Variants in TRIM2 observed in about 807,000 individuals in gnomAD.
TRIM2 encodes the protein tripartite motif-containing protein 2.
Under a neutral mutation model 75.2 loss-of-function variants are expected in TRIM2, and 20 were observed. The observed-to-expected ratio is 0.27, with a 90% CI of 0.19 to 0.39. The LOEUF (loss-of-function observed/expected upper bound fraction) is 0.39. Ranked by LOEUF, TRIM2 falls within the 10% of genes least tolerant of loss-of-function variation. The probability of loss-of-function intolerance (pLI) is 1.00; values close to 1 mark genes in which losing one functional copy is unlikely to be tolerated. For missense variants in TRIM2, 660 were observed against 990.8 expected (o/e 0.67, Z 4.48); for synonymous variants, 373 against 388.3 (o/e 0.96, Z 0.46).
upstream of TRIM2, chr4:153,152,555 C>T (rs1177124860): frequency 6.6e-6 from 1 of 151,936 alleles, no homozygotes; most frequent in Non-Finnish European, 1.5e-5. Flanking sequence ...CAAGGAGCTG[C>T]CCGTGCTTTG....
At chr4:153,324,008 G>C (rs1012988897) in intron 9 of TRIM2, 70 bp from the exon 10 acceptor site, 63 of 1,210,114 alleles carry the variant, frequency 5.2e-5, no homozygotes, top group Non-Finnish European at 7.4e-5. Context: ...AAGTTTGTTT[G>C]TTACAGTAAC....
intron 1 of TRIM2, among the ~76,000 whole-genome samples, chr4:153,215,986 AG>A (rs1463403341): frequency 6.6e-6 from 1 of 152,146 alleles, no homozygotes; most frequent in African/African-American, 2.4e-5. Context: ...TATGCAAATG[AG>A]GTTTTTAGCT....
intron 1 of TRIM2, among the ~76,000 whole-genome samples, chr4:153,179,465 A>ACTTTTTT (rs1215421438): frequency 1.3e-5 from 2 of 151,960 alleles, no homozygotes; most frequent in Non-Finnish European, 2.9e-5. Context: ...TATTTCCCCA[A>ACTTTTTT]CTTTTTTCCT....
chr4:153,194,990 A>G (rs903579783), intron 1 of TRIM2, among the ~76,000 whole-genome samples: 3 of 152,252 alleles, frequency 2.0e-5, no homozygotes, highest in African/African-American at 7.2e-5. Flanking sequence ...GTAGAACCAC[A>G]AAATGTGACC....
At position 153,269,835 on chromosome 4, in the gene TRIM2, A is replaced by T. The variant is rs767927505; in HGVS notation, c.31-500A>T. 1.6e-4 allele frequency among the ~76,000 whole-genome samples: 24 copies of T among 152,198 alleles called. 1 individual carries two copies. Among genetic ancestry groups the T allele is most frequent in the Non-Finnish European group, 3.1e-4 (21 of 68,034 alleles). On this transcript the variant is annotated intron_variant, in intron 1 of 11. Coordinates refer to ENST00000338700, the MANE Select transcript of TRIM2 (RefSeq NM_015271.5). ...TTGATTTACAAAATAAACAACAGGG[A>T]GCTGACTGTACTTGTACAGCAATAA... is the stretch of plus-strand genomic sequence containing the variant.
chr4:153,231,817 C>A (rs1385639203), intron 1 of TRIM2, among the ~76,000 whole-genome samples: 5 of 152,110 alleles, frequency 3.3e-5, no homozygotes, highest in Non-Finnish European at 5.9e-5. Flanking sequence ...GTAAGGACAT[C>A]AGTCATATTG....
chr4:153,218,671 T>A (rs879926411), intron 1 of TRIM2, among the ~76,000 whole-genome samples: 1 of 152,192 alleles, frequency 6.6e-6, no homozygotes, highest in Non-Finnish European at 1.5e-5. Context: ...CTTTAGGAAG[T>A]GCTCTCTCAT....
At chr4:153,257,408 A>G in intron 1 of TRIM2, 1 of 1,138,458 alleles carries the variant, frequency 8.8e-7, no homozygotes, top group African/African-American at 1.6e-5. Flanking sequence ...TGAGAAAAAG[A>G]TGTCCTGTAA....
intron 1 of TRIM2, among the ~76,000 whole-genome samples, chr4:153,206,187 T>A (rs1044237022): frequency 4.6e-5 from 7 of 152,182 alleles, no homozygotes; most frequent in African/African-American, 1.7e-4. Context: ...GACCCTGAGG[T>A]TTAAGGGCTC....
At chr4:153,207,559 G>C (rs1735830764) in intron 1 of TRIM2, among the ~76,000 whole-genome samples, 1 of 152,182 alleles carries the variant, frequency 6.6e-6, no homozygotes, top group Non-Finnish European at 1.5e-5. Context: ...TCAGTGCACA[G>C]CAAATATTCA....
rs1447564336 is a variant in TRIM2, at chr4:153,266,411, C to T, written c.31-3924C>T. ...AGGCTGGAGTGCAGTGGCGTGATCT[C>T]GGCTCACTGCAACCTCTGTCTCCCA... is the stretch of plus-strand genomic sequence containing the variant. On this transcript the variant is annotated intron_variant, in intron 1 of 11. Transcript: ENST00000338700. Among the ~76,000 whole-genome samples, 8 of 145,668 alleles carry T rather than the reference C, an allele frequency of 5.5e-5. No individual in the cohort carries two copies. In the South Asian group the frequency reaches 8.6e-4, roughly 16 times the overall value.
At chr4:153,232,643 A>T (rs1210208539) in intron 1 of TRIM2, among the ~76,000 whole-genome samples, 4 of 152,026 alleles carry the variant, frequency 2.6e-5, no homozygotes. Flanking sequence ...ACTAGAGGCC[A>T]TAGGTTGGGG....
At chr4:153,254,880 G>A (rs1015310516) in intron 1 of TRIM2, among the ~76,000 whole-genome samples, 19 of 152,084 alleles carry the variant, frequency 1.2e-4, no homozygotes, top group African/African-American at 4.6e-4. Flanking sequence ...CCAATTCCAG[G>A]TAAAAGATCA....
chr4:153,330,964 C>A (rs1771344451), intron 11 of TRIM2, among the ~76,000 whole-genome samples: 1 of 152,180 alleles, frequency 6.6e-6, no homozygotes, highest in African/African-American at 2.4e-5. Flanking sequence ...CCCAAAGAAT[C>A]TATAAAAACA....
chr4:153,240,268 ATGTT>A (rs1306298264), intron 1 of TRIM2, among the ~76,000 whole-genome samples: 1 of 152,220 alleles, frequency 6.6e-6, no homozygotes, highest in African/African-American at 2.4e-5. Context: ...TTGGTAGACT[ATGTT>A]TGAAAATGTT....
rs759209875 is a variant in TRIM2, at chr4:153,322,715, T to C, written c.1850T>C (p.Ile617Thr). 2 of 1,614,122 alleles carry C rather than the reference T, an allele frequency of 1.2e-6. No homozygotes were observed. The highest frequency in any genetic ancestry group is 1.3e-5 in the African/African-American group (1 of 74,944). ...GVSVDRNGHI[I>T]VVDNKACCVF... ...TCTGTGGACCGCAATGGGCACATTATTGTTGTGGACAACAAGGCGTGCTGC... is the reference window on the plus strand; with the variant it reads ...TCTGTGGACCGCAATGGGCACATTACTGTTGTGGACAACAAGGCGTGCTGC... The change falls in exon 9 of 12, where the codon ATT becomes ACT. Residue 617 changes from isoleucine to threonine, a missense_variant. Coordinates refer to ENST00000338700, the MANE Select transcript of TRIM2 (RefSeq NM_015271.5).
chr4:153,176,662 G>A lies in TRIM2; in HGVS notation c.-49+23392G>A, dbSNP rs999280844. Reference sequence around the variant, plus strand: ...GTCTCACTCTGTTGCCCAGGCTGGAGTGCAGTGGCACAATTTCGGCTCACC... The same window carrying A: ...GTCTCACTCTGTTGCCCAGGCTGGAATGCAGTGGCACAATTTCGGCTCACC... On this transcript the variant is annotated intron_variant, in intron 1 of 11. Transcript: ENST00000437508. Among the ~76,000 whole-genome samples the A allele has an allele frequency of 3.1e-4, 47 of 152,158 alleles. 1 individual carries two copies. Among genetic ancestry groups the A allele is most frequent in the Middle Eastern group, 3.4e-3 (1 of 294 alleles).
intron 1 of TRIM2, among the ~76,000 whole-genome samples, chr4:153,267,259 T>C (rs537851325): frequency 3.9e-5 from 6 of 152,224 alleles, no homozygotes; most frequent in African/African-American, 1.4e-4. Context: ...GGTGTTGTGG[T>C]TTAAGTAGTG....
chr4:153,322,616 T>C lies in TRIM2; in HGVS notation c.1783-32T>C. 6 of 1,608,478 alleles carry C rather than the reference T, an allele frequency of 3.7e-6. 1 individual carries two copies. In the South Asian group the frequency reaches 6.6e-5, roughly 18 times the overall value. On this transcript the variant is annotated intron_variant, in intron 8 of 11. Coordinates refer to ENST00000338700, the MANE Select transcript of TRIM2 (RefSeq NM_015271.5). ...AGTGGTTTAAACTTTGACTCTATAC[T>C]GTACTTCTATTTCTGTACTTGTTTC...
Sources: allele counts gnomAD v4.1 joint callset (sites outside exome capture counted in the v4.1 genomes callset), GRCh38; gene constraint gnomAD v4.1.1; transcripts MANE v1.5; gene names NCBI Gene and HGNC (gene_info 2026-07-23, HGNC 2026-07-21).